Variants in MEGF11 observed in about 807,000 individuals in gnomAD.
MEGF11 encodes the protein multiple EGF like domains 11.
In MEGF11, 126 loss-of-function variants were observed where a neutral mutation model predicts 146.6. The ratio of observed to expected loss-of-function variants is 0.86; its 90% CI spans 0.74 to 1.00. MEGF11 has a LOEUF of 1.00. MEGF11 is among the 50% of genes least tolerant of loss of function. The pLI is 0.00. For synonymous variants in MEGF11, 532 were observed against 583.4 expected, an observed-to-expected ratio of 0.91 and a Z score of 1.27; for missense variants, 1,509 against 1,521.2, an observed-to-expected ratio of 0.99 and a Z score of 0.13.
chr15:65,941,886 G>A (rs2080004917), intron 10 of MEGF11, among the ~76,000 whole-genome samples: 1 of 152,218 alleles, frequency 6.6e-6, no homozygotes, highest in Non-Finnish European at 1.5e-5. Flanking sequence ...CTGGCCCTGT[G>A]GCTTAGGGCA....
intron 1 of MEGF11, among the ~76,000 whole-genome samples, chr15:66,154,824 AG>A (rs977459914): frequency 6.6e-6 from 1 of 152,174 alleles, no homozygotes. Flanking sequence ...CAGTGGGGGA[AG>A]GGAAGGGCCC....
chr15:66,068,537 A>C (rs1411179301), intron 5 of MEGF11, among the ~76,000 whole-genome samples: 1 of 152,212 alleles, frequency 6.6e-6, no homozygotes, highest in Admixed American at 6.5e-5. Context: ...TGAGGCCCAG[A>C]GAAAGTAAGT....
In MEGF11 at chr15:66,127,941, G is replaced by A. The variant is rs561229160; in HGVS notation, c.98+365C>T. Among the ~76,000 whole-genome samples the A allele has an allele frequency of 2.4e-4, 37 of 152,328 alleles. No homozygotes were observed. In the South Asian group the frequency reaches 5.0e-3, roughly 20 times the overall value. ...GACCAGGAAAGGCATCACAGCATCA[G>A]AGAGCATGCCACCTGGGACCAAAGT... On this transcript the variant is annotated intron_variant, in intron 2 of 25. Coordinates refer to ENST00000395614, the MANE Select transcript of MEGF11 (RefSeq NM_001385028.1).
rs1364130803 is a variant in MEGF11, at chr15:65,913,761, T to C, written c.2686A>G (p.Thr896Ala). ...RVSYTPAMRM[T>A]STDYSLSDLS... is the part of the protein sequence containing the mutation. ...CCTGAGAGGGAGTAGTCGGTGCTGG[T>C]CATCCTCATGGCAGGTGTGTAGGAG... The change falls in exon 20 of 26, where the codon ACC (threonine) becomes GCC (alanine). Residue 896 changes from threonine to alanine, a missense_variant. Transcript: ENST00000395614. 1 of 1,613,226 alleles carries C rather than the reference T, an allele frequency of 6.2e-7. No individual in the cohort carries two copies. Among genetic ancestry groups the C allele is most frequent in the East Asian group, 2.2e-5 (1 of 44,856 alleles).
intron 10 of MEGF11, among the ~76,000 whole-genome samples, chr15:65,934,466 G>A (rs2079693629): frequency 6.6e-6 from 1 of 152,130 alleles, no homozygotes; most frequent in Non-Finnish European, 1.5e-5. Flanking sequence ...GGTCAGGCTG[G>A]TCTCGAACTC....
At chr15:65,917,116 G>A (rs2079026163) in intron 16 of MEGF11, among the ~76,000 whole-genome samples, 160 bp from the exon 17 acceptor site, 1 of 152,160 alleles carries the variant, frequency 6.6e-6, no homozygotes, top group South Asian at 2.1e-4. Flanking sequence ...CAGAATTCCT[G>A]CACTTACTTC....
chr15:66,088,605 A>C (rs1195417014), intron 5 of MEGF11, among the ~76,000 whole-genome samples: 1 of 152,064 alleles, frequency 6.6e-6, no homozygotes, highest in Non-Finnish European at 1.5e-5. Flanking sequence ...CAGTGAACCG[A>C]GATTGCACCA....
chr15:66,021,185 T>C (rs2083116167), intron 5 of MEGF11, among the ~76,000 whole-genome samples: 1 of 152,048 alleles, frequency 6.6e-6, no homozygotes, highest in Non-Finnish European at 1.5e-5. Flanking sequence ...ACCCCTACCT[T>C]GTCTGGTGCT....
At chr15:66,023,943 C>T (rs376360715) in intron 5 of MEGF11, among the ~76,000 whole-genome samples, 1 of 152,080 alleles carries the variant, frequency 6.6e-6, no homozygotes, top group African/African-American at 2.4e-5. Context: ...TACAGGGTTG[C>T]CAGTGGTGGG....
chr15:65,929,339 A>G (rs926584301), intron 12 of MEGF11, among the ~76,000 whole-genome samples: 5 of 152,232 alleles, frequency 3.3e-5, no homozygotes, highest in African/African-American at 1.2e-4. Context: ...ACCAGAAGGA[A>G]GCTTAAACAT....
intron 5 of MEGF11, among the ~76,000 whole-genome samples, chr15:66,047,032 T>A (rs553168617): frequency 4.5e-4 from 69 of 152,290 alleles, no homozygotes; most frequent in Non-Finnish European, 6.9e-4. Flanking sequence ...GCACATCCCA[T>A]GAAGTTCACC....
intron 4 of MEGF11, among the ~76,000 whole-genome samples, chr15:66,096,755 C>A (rs1305144402): frequency 6.6e-6 from 1 of 152,160 alleles, no homozygotes; most frequent in East Asian, 1.9e-4. Context: ...GACCAGCCTG[C>A]CCCCTGCTCC....
At position 65,912,085 on chromosome 15, in the gene MEGF11, G is replaced by A. The variant is rs1371703654; in HGVS notation, c.2826C>T (p.Thr942=). ...TGGGGAATCAGGGGCCCGGTACCTT[G>A]GTGGGGCTGTTCCTGTCCAGAGTGC... ...QASTLDRNSP[T]KLSNKSLDRD... is the part of the protein sequence containing the mutation. The change falls in exon 21 of 26, where the codon ACC becomes ACT. Residue 942 remains threonine, a synonymous_variant. Transcript: ENST00000395614. 8.1e-7 allele frequency: 1 copy of A among 1,231,204 alleles called. No individual in the cohort carries two copies. The highest frequency in any genetic ancestry group is 1.0e-6 in the Non-Finnish European group (1 of 987,220). The allele number at this position is 1,231,204 out of a possible 1,614,324, so 76.3% of individuals were successfully genotyped here.
At chr15:66,070,180 C>T (rs529124658) in intron 5 of MEGF11, among the ~76,000 whole-genome samples, 1 of 152,296 alleles carries the variant, frequency 6.6e-6, no homozygotes, top group African/African-American at 2.4e-5. Context: ...GCCCCACAGG[C>T]AATGAGGACT....
At chr15:66,131,937 G>T (rs750439600) in intron 1 of MEGF11, among the ~76,000 whole-genome samples, 2 of 152,176 alleles carry the variant, frequency 1.3e-5, no homozygotes, top group Admixed American at 6.5e-5. Context: ...CTGAAGAAAG[G>T]CCTGGTGCAT....
intron 5 of MEGF11, among the ~76,000 whole-genome samples, chr15:66,022,084 CAGGAATA>C (rs1003048620): frequency 1.3e-5 from 2 of 152,102 alleles, no homozygotes; most frequent in African/African-American, 4.8e-5. Context: ...CCACAAGGTC[CAGGAATA>C]AGGATATAAA....
intron 1 of MEGF11, among the ~76,000 whole-genome samples, chr15:66,174,641 T>C (rs529537030): frequency 1.3e-5 from 2 of 151,518 alleles, no homozygotes; most frequent in Non-Finnish European, 2.9e-5. Flanking sequence ...CATAATGCCC[T>C]TCCTGAAATA....
intron 5 of MEGF11, among the ~76,000 whole-genome samples, chr15:66,030,207 T>C (rs2083467658): frequency 6.6e-6 from 1 of 152,184 alleles, no homozygotes; most frequent in African/African-American, 2.4e-5. Context: ...ACCTGCCGCA[T>C]GCAAAATGGC....
chr15:65,990,759 C>T (rs967969848), intron 5 of MEGF11, among the ~76,000 whole-genome samples: 1 of 152,024 alleles, frequency 6.6e-6, no homozygotes, highest in African/African-American at 2.4e-5. Flanking sequence ...CAAACAAACA[C>T]TGGTAGGTAA....
Sources: gnomAD v4.1 joint callset for allele counts (sites outside exome capture counted in the v4.1 genomes callset) on GRCh38, gnomAD v4.1.1 for gene constraint, MANE v1.5 for transcripts, NCBI Gene and HGNC (gene_info 2026-07-23, HGNC 2026-07-21) for gene names.